ZBTB16: variants seen among roughly 807,000 people sequenced by gnomAD.
The protein encoded by ZBTB16 is zinc finger and BTB domain-containing protein 16.
A neutral mutation model predicts 56.8 loss-of-function variants in ZBTB16; 8 were observed. That is an observed-to-expected ratio of 0.14 (90% CI 0.08 to 0.25). The LOEUF is 0.25. Among genes scored for constraint, ZBTB16 ranks in the 10% least tolerant of loss-of-function variants. The probability of loss-of-function intolerance (pLI) is 1.00; values close to 1 mark genes in which losing one functional copy is unlikely to be tolerated. For missense variants in ZBTB16, 625 were observed against 903.0 expected (o/e 0.69, Z 3.95); for synonymous variants, 363 against 368.5 (o/e 0.98, Z 0.17).
Position 114,182,395 on chromosome 11 carries a change from G to A in ZBTB16, c.1367-4557G>A, listed in dbSNP as rs116630318. Among the ~76,000 whole-genome samples, 1,218 of 152,134 alleles carry A rather than the reference G, an allele frequency of 8.0e-3. 13 individuals are homozygous for A. The highest frequency in any genetic ancestry group is 0.027 in the African/African-American group (1,121 of 41,490). On this transcript the variant is annotated intron_variant, in intron 3 of 6. Coordinates refer to ENST00000335953, the MANE Select transcript of ZBTB16 (RefSeq NM_006006.6). ...TCTTTTTATCACTTATCACCACCTG[G>A]CCTGTTTTGTATTTACTCGCTCTTT...
chr11:114,061,300 G>C (rs1938849743), intron 1 of ZBTB16: 2 of 150,784 alleles, frequency 1.3e-5, no homozygotes, highest in South Asian at 2.1e-4. Context: ...TGGGCGCCCA[G>C]ATTTCCCTCA....
At chr11:114,187,570 G>A (rs1174665785) in intron 4 of ZBTB16, 5 of 185,010 alleles carry the variant, frequency 2.7e-5, no homozygotes, top group Non-Finnish European at 5.8e-5. Flanking sequence ...CCGCACCAAA[G>A]TCATCTGATC....
At chr11:114,086,315 T>A (rs939954660) in intron 2 of ZBTB16, among the ~76,000 whole-genome samples, 4 of 152,062 alleles carry the variant, frequency 2.6e-5, no homozygotes, top group Non-Finnish European at 2.9e-5. Flanking sequence ...TGTCCTTCTT[T>A]TTCTCCTTGG....
At chr11:114,110,593 G>C (rs751886466) in intron 2 of ZBTB16, among the ~76,000 whole-genome samples, 5 of 152,188 alleles carry the variant, frequency 3.3e-5, no homozygotes, top group Non-Finnish European at 5.9e-5. Flanking sequence ...ATGTCTTCAA[G>C]TCTTGGTGCT....
chr11:114,063,061 A>C lies in ZBTB16; in HGVS notation c.-90-150A>C, dbSNP rs1469450309. The C allele has an allele frequency of 3.5e-6, 2 of 565,120 alleles. No homozygotes were observed. The highest frequency in any genetic ancestry group is 6.1e-5 in the Admixed American group (2 of 32,830). The allele number at this position is 565,120 out of a possible 1,614,324, so 35.0% of individuals were successfully genotyped here. On this transcript the variant is annotated intron_variant, in intron 1 of 6. Coordinates refer to ENST00000335953, the MANE Select transcript of ZBTB16 (RefSeq NM_006006.6). This position sits in a 1 kb window ranked among gnomAD's most constrained non-coding sequence, Gnocchi z 6.5. ...TGTAGATTTCTAGGAAGCTACTTCA[A>C]TTAAAATCTCTAAGATCCTCTTGCT...
chr11:114,094,098 G>A (rs1197437328), intron 2 of ZBTB16, among the ~76,000 whole-genome samples: 3 of 152,112 alleles, frequency 2.0e-5, no homozygotes, highest in African/African-American at 4.8e-5. Context: ...GGTGGATCAC[G>A]AGGTCAGGAG....
chr11:114,145,286 A>T (rs539571936), intron 2 of ZBTB16, among the ~76,000 whole-genome samples: 1 of 152,270 alleles, frequency 6.6e-6, no homozygotes, highest in Non-Finnish European at 1.5e-5. Context: ...TAGAGTTACC[A>T]TATGAGCTGG....
At chr11:114,127,324 C>T (rs1039109831) in intron 2 of ZBTB16, among the ~76,000 whole-genome samples, 1 of 152,142 alleles carries the variant, frequency 6.6e-6, no homozygotes, top group Admixed American at 6.5e-5. Flanking sequence ...CATTGGACTC[C>T]CATGGTGTGC....
intron 3 of ZBTB16, among the ~76,000 whole-genome samples, chr11:114,159,937 CG>C (rs140105293): frequency 1.1e-5 from 1 of 93,840 alleles, no homozygotes. Flanking sequence ...GCGGGGGAGG[CG>C]GGGGGGAGGC....
At chr11:114,106,295 C>G (rs1310420764) in intron 2 of ZBTB16, among the ~76,000 whole-genome samples, 1 of 152,146 alleles carries the variant, frequency 6.6e-6, no homozygotes, top group East Asian at 1.9e-4. Flanking sequence ...TATATTTACC[C>G]TCTTTTGGGG....
intron 2 of ZBTB16, among the ~76,000 whole-genome samples, chr11:114,099,516 T>G (rs1374903514): frequency 6.6e-6 from 1 of 151,992 alleles, no homozygotes; most frequent in Admixed American, 6.6e-5. Flanking sequence ...AAACATGCAT[T>G]TTAATCTAAG....
At chr11:114,105,016 G>T (rs894884014) in intron 2 of ZBTB16, among the ~76,000 whole-genome samples, 1 of 152,038 alleles carries the variant, frequency 6.6e-6, no homozygotes, top group Non-Finnish European at 1.5e-5. Context: ...TTAACCCCTC[G>T]CCACCCACTC....
chr11:114,242,984 G>A (rs569424337), intron 5 of ZBTB16, among the ~76,000 whole-genome samples: 2 of 152,288 alleles, frequency 1.3e-5, no homozygotes, highest in East Asian at 3.9e-4. Flanking sequence ...AAGGAGGCTG[G>A]GCCAGGTGCT....
In ZBTB16 at chr11:114,060,713, C is replaced by G. The variant is rs957628188; in HGVS notation, c.-91+831C>G. ...AAATGCGCACGGTCCCGCCGGCCCG[C>G]GGAACCACCCGGACGCACGGAGCGC... On this transcript the variant is annotated intron_variant, in intron 1 of 6. Coordinates refer to ENST00000335953, the MANE Select transcript of ZBTB16 (RefSeq NM_006006.6). The surrounding 1 kb of genome is among the most constrained non-coding windows in gnomAD (Gnocchi z 6.0). The G allele has an allele frequency of 6.6e-6, 1 of 152,308 alleles. No individual in the cohort carries two copies. Among genetic ancestry groups the G allele is most frequent in the African/African-American group, 2.4e-5 (1 of 41,452 alleles). 9.4% of individuals were successfully genotyped at this position (152,308 alleles called of 1,614,324 possible).
rs1424384866 is a variant in ZBTB16, at chr11:114,064,234, G to T, written c.934G>T (p.Ala312Ser). The T allele has an allele frequency of 1.1e-5, 17 of 1,613,878 alleles. No homozygotes were observed. Among genetic ancestry groups the T allele is most frequent in the Non-Finnish European group, 1.4e-5 (17 of 1,180,036 alleles). The part of the protein sequence containing the change: ...SAEQVPPPAE[A>S]GQAPTGRPEH... ...CGAGCAGGTGCCACCCCCAGCTGAG[G>T]CTGGCCAGGCCCCCACTGGCCGACC... Residue 312 changes from alanine (A) to serine (S), a missense_variant, in exon 2 of 7, where the codon GCT becomes TCT. Coordinates refer to ENST00000335953, the MANE Select transcript of ZBTB16 (RefSeq NM_006006.6). This position sits in a 1 kb window ranked among gnomAD's most constrained non-coding sequence, Gnocchi z 4.2.
intron 4 of ZBTB16, among the ~76,000 whole-genome samples, chr11:114,195,825 G>A (rs7106470): frequency 0.24 from 37,184 of 152,106 alleles, 4,784 homozygotes; most frequent in Middle Eastern, 0.34. Flanking sequence ...CACTGGATAG[G>A]TTGACGGGGC....
chr11:114,204,901 G>C (rs1022605736), intron 4 of ZBTB16, among the ~76,000 whole-genome samples: 1 of 152,196 alleles, frequency 6.6e-6, no homozygotes, highest in Non-Finnish European at 1.5e-5. Flanking sequence ...CTGGATTTGG[G>C]CAGGTAATTT....
At chr11:114,236,695 C>T (rs759752422) in intron 4 of ZBTB16, among the ~76,000 whole-genome samples, 1 of 152,228 alleles carries the variant, frequency 6.6e-6, no homozygotes, top group African/African-American at 2.4e-5. Context: ...ACCTCCTCCT[C>T]TACCCTTTGT....
At chr11:114,247,006 A>C in intron 5 of ZBTB16, 192 bp from the exon 6 acceptor site, 1 of 686,490 alleles carries the variant, frequency 1.5e-6, no homozygotes, top group Non-Finnish European at 2.5e-6. Flanking sequence ...GGGCCACAGT[A>C]AAGTATGGTC....
Sources: gnomAD v4.1 joint callset for allele counts (sites outside exome capture counted in the v4.1 genomes callset) on GRCh38, gnomAD v4.1.1 for gene constraint, Gnocchi (gnomAD v3.1) non-coding constraint, MANE v1.5 for transcripts, NCBI Gene and HGNC (gene_info 2026-07-23, HGNC 2026-07-21) for gene names.